ZNF746: variants seen among roughly 807,000 people sequenced by gnomAD.
The protein encoded by ZNF746 is zinc finger protein 746.
A neutral mutation model predicts 41.0 loss-of-function variants in ZNF746; 13 were observed. That is an observed-to-expected ratio of 0.32 (90% CI 0.21 to 0.50). The LOEUF is 0.50. ZNF746 is among the 20% of genes least tolerant of loss of function. The pLI is 0.98. For synonymous variants in ZNF746, 424 were observed against 396.2 expected (o/e 1.07, Z -0.83); for missense variants, 811 against 922.9 (o/e 0.88, Z 1.57).
intron 4 of ZNF746, among the ~76,000 whole-genome samples, chr7:149,479,362 T>C (rs532055481): frequency 2.0e-5 from 3 of 152,330 alleles, no homozygotes; most frequent in South Asian, 4.1e-4. Context: ...TCTTCAAATG[T>C]TGAGAGAAAA....
rs1585742044 is a variant in ZNF746, at chr7:149,493,991, A to G, written c.449T>C (p.Leu150Pro). ...GAGAAATGAGTGTCAGGCCTTACCC[A>G]GGGAGACCAGCGTCTCGTAGTTGCC... ...MRGNYETLVS[L>P]DYAISKPEVL... Residue 150 changes from leucine (L) to proline (P), a missense_variant and splice_region_variant, in exon 3 of 7, where the codon CTG (leucine) becomes CCG (proline). This residue lies in a region of ZNF746 where 147 missense variants were observed against 233.4 expected (regional missense o/e 0.63). Transcript: ENST00000458143. 1.2e-6 allele frequency: 2 copies of G among 1,614,236 alleles called. No homozygotes were observed. Among genetic ancestry groups the G allele is most frequent in the African/African-American group, 1.3e-5 (1 of 75,060 alleles).
At position 149,477,768 on chromosome 7, in the gene ZNF746, G is replaced by GT; in HGVS notation, c.566-14dup. The GT allele has an allele frequency of 6.3e-7, 1 of 1,594,760 alleles. No individual in the cohort carries two copies. The highest frequency in any genetic ancestry group is 8.6e-7 in the Non-Finnish European group (1 of 1,167,634). On this transcript the variant is annotated splice_polypyrimidine_tract_variant and intron_variant, in intron 4 of 6. Transcript: ENST00000458143. Reference sequence around the variant, plus strand: ...GGGGGCCCCGAGCCTAGGAAAGGGAGTGAGTGTGAGGATACAGCATCACGG... The same window carrying GT: ...GGGGGCCCCGAGCCTAGGAAAGGGAGTTGAGTGTGAGGATACAGCATCACGG...
In ZNF746 at chr7:149,497,700, T is replaced by A. The variant is rs1416858440; in HGVS notation, c.-164A>T. On this transcript the variant is annotated 5_prime_UTR_variant, in exon 1 of 7. Transcript: ENST00000458143. This position sits in a 1 kb window ranked among gnomAD's most constrained non-coding sequence, Gnocchi z 4.2. ...TGCCCCTGCGCCGCGCCGCCCGCAG[T>A]CGCGCCGCCTCCGTCAGCGCCCGGC... 1 of 372,726 alleles carries A rather than the reference T, an allele frequency of 2.7e-6. No individual in the cohort carries two copies. The highest frequency in any genetic ancestry group is 3.7e-6 in the Non-Finnish European group (1 of 268,854). The allele number at this position is 372,726 out of a possible 1,614,324, so 23.1% of individuals were successfully genotyped here.
intron 4 of ZNF746, among the ~76,000 whole-genome samples, chr7:149,478,519 C>G (rs1800387472): frequency 6.6e-6 from 1 of 152,214 alleles, no homozygotes; most frequent in African/African-American, 2.4e-5. Context: ...GAAAAATTGG[C>G]TGAGAGCCAT....
chr7:149,475,964 C>T (rs1800287229), intron 6 of ZNF746, among the ~76,000 whole-genome samples: 1 of 152,238 alleles, frequency 6.6e-6, no homozygotes, highest in Non-Finnish European at 1.5e-5. Context: ...AGCTATTTGA[C>T]ATGCAGCAGC....
rs1800254453 is a variant in ZNF746 at position 149,475,187 on chromosome 7, G to T, written c.1180C>A (p.Arg394=). 6.2e-7 allele frequency: 1 copy of T among 1,612,640 alleles called. No homozygotes were observed. The highest frequency in any genetic ancestry group is 1.1e-5 in the South Asian group (1 of 91,062). ...PPGDWLFGGV[R]WGWNFRCKPP... ...TTACACCGGAAATTCCAGCCCCACC[G>T]GACCCCTCCGAAGAGCCAGTCCCCA... Residue 394 remains arginine, a synonymous_variant, in exon 7 of 7, where the codon CGG becomes AGG. Transcript: ENST00000458143.
At chr7:149,496,494 T>G (rs1231392051) in intron 1 of ZNF746, among the ~76,000 whole-genome samples, 1 of 152,098 alleles carries the variant, frequency 6.6e-6, no homozygotes, top group African/African-American at 2.4e-5. Context: ...CCCTTCTTAG[T>G]CTCTCTCTGC....
At position 149,478,317 on chromosome 7, in the gene ZNF746, GGA is replaced by G. The variant is rs1241827832; in HGVS notation, c.566-564_566-563del. ...TGGCCGAGCCGCCTGCCTGAAGCCA[GGA>G]GTCATAGGCTCTGGCCTGTCTGTGA... On this transcript the variant is annotated intron_variant, in intron 4 of 6. Coordinates refer to ENST00000458143, the MANE Select transcript of ZNF746 (RefSeq NM_001394198.1). Among the ~76,000 whole-genome samples, 5 of 152,306 alleles carry G rather than the reference GGA, an allele frequency of 3.3e-5. No homozygotes were observed. The East Asian group carries it at 9.6e-4, about 29-fold the overall frequency.
intron 4 of ZNF746, chr7:149,491,669 C>T (rs1032917159): frequency 2.9e-5 from 16 of 561,384 alleles, no homozygotes; most frequent in African/African-American, 2.6e-4. Flanking sequence ...AGATGACGAA[C>T]ATGGGGGATG....
chr7:149,477,169 A>G, intron 5 of ZNF746, 122 bp from the exon 6 acceptor site: 5 of 1,245,068 alleles, frequency 4.0e-6, no homozygotes, highest in Non-Finnish European at 5.4e-6. Context: ...CTGAGTGGGC[A>G]CGAGGACCCA....
intron 4 of ZNF746, among the ~76,000 whole-genome samples, chr7:149,480,392 T>C (rs1461525769): frequency 6.6e-6 from 1 of 152,144 alleles, no homozygotes; most frequent in Non-Finnish European, 1.5e-5. Flanking sequence ...AATGTAACAT[T>C]CTTTAGAATG....
At chr7:149,476,893 C>T (rs772918055) in intron 6 of ZNF746, 29 bp downstream of exon 6, 1 of 1,613,636 alleles carries the variant, frequency 6.2e-7, no homozygotes, top group Admixed American at 1.7e-5. Flanking sequence ...CAAGCATGGC[C>T]CTTCCCTTCC....
intron 4 of ZNF746, chr7:149,489,296 T>A (rs1176751823): frequency 1.3e-5 from 2 of 150,632 alleles, no homozygotes; most frequent in East Asian, 2.0e-4. Flanking sequence ...TGAAACAGCA[T>A]ACATTCAGCA....
At chr7:149,492,556 A>C (rs2888589) in intron 4 of ZNF746, among the ~76,000 whole-genome samples, 4,492 of 152,252 alleles carry the variant, frequency 0.03, 238 homozygotes, top group African/African-American at 0.1. Flanking sequence ...GTTAAGGGTC[A>C]ACTATGCTCC....
At chr7:149,492,809 T>C (rs1800847867) in intron 4 of ZNF746, 50 bp downstream of exon 4, 1 of 1,342,908 alleles carries the variant, frequency 7.4e-7, no homozygotes. Flanking sequence ...TTTCCGTCTC[T>C]GTTTCCTGCA....
In ZNF746 at chr7:149,494,019, T is replaced by G; in HGVS notation, c.421A>C (p.Arg141=). 1 of 1,614,166 alleles carries G rather than the reference T, an allele frequency of 6.2e-7. No individual in the cohort carries two copies. The highest frequency in any genetic ancestry group is 1.1e-5 in the South Asian group (1 of 91,082). Residue 141 remains arginine (R), a synonymous_variant, in exon 3 of 7, where the codon AGG becomes CGG. Transcript: ENST00000458143. This position sits in a 1 kb window ranked among gnomAD's most constrained non-coding sequence, Gnocchi z 5.6. ...WQKELYKHVM[R]GNYETLVSLD... is the part of the protein sequence containing the mutation. Reference sequence around the variant, plus strand: ...GAGACCAGCGTCTCGTAGTTGCCCCTCATCACGTGCTTGTAGAGCTCCTTC... The same window carrying G: ...GAGACCAGCGTCTCGTAGTTGCCCCGCATCACGTGCTTGTAGAGCTCCTTC...
rs749440626 is a variant in ZNF746 at position 149,475,252 on chromosome 7, C to T, written c.1115G>A (p.Gly372Asp). 1.2e-6 allele frequency: 2 copies of T among 1,613,252 alleles called. No individual in the cohort carries two copies. The highest frequency in any genetic ancestry group is 1.1e-5 in the South Asian group (1 of 91,076). ...CTGGGCCACAGCAGGACTGAGCTCACCCATGTCCCTCTCAGGCCGGGCGGG... is the reference window on the plus strand; with the variant it reads ...CTGGGCCACAGCAGGACTGAGCTCATCCATGTCCCTCTCAGGCCGGGCGGG... Reference protein sequence around the residue: ...REPARPERDMGELSPAVAQEE... With the variant: ...REPARPERDMDELSPAVAQEE... Residue 372 changes from glycine (G) to aspartate (D), a missense_variant, in exon 7 of 7, where the codon GGT (glycine) becomes GAT (aspartate). Physicochemically the swap from Gly to Asp is moderately conservative, Grantham distance 94. Coordinates refer to ENST00000458143, the MANE Select transcript of ZNF746 (RefSeq NM_001394198.1).
At chr7:149,489,449 A>G (rs577215438) in intron 4 of ZNF746, 227 of 152,300 alleles carry the variant, frequency 1.5e-3, no homozygotes, top group African/African-American at 4.9e-3. Context: ...TAGGAAACAT[A>G]TATATTATGT....
intron 1 of ZNF746, chr7:149,496,799 G>T: frequency 2.0e-6 from 2 of 985,268 alleles, no homozygotes; most frequent in Non-Finnish European, 2.4e-6. Flanking sequence ...CTGGGCGCCA[G>T]CACTCACCCC....
Sources: allele counts gnomAD v4.1 joint callset (sites outside exome capture counted in the v4.1 genomes callset), GRCh38; gene constraint gnomAD v4.1.1; regional missense constraint gnomAD v4.1.1; non-coding constraint Gnocchi (gnomAD v3.1); transcripts MANE v1.5; gene names NCBI Gene and HGNC (gene_info 2026-07-23, HGNC 2026-07-21).